Variants in AKAP6 observed in about 807,000 individuals in gnomAD.
AKAP6 encodes the protein A-kinase anchoring protein 6, also known as A-kinase anchor protein 6.
Under a neutral mutation model 188.5 loss-of-function variants are expected in AKAP6, and 58 were observed. The observed-to-expected ratio is 0.31, with a 90% confidence interval of 0.25 to 0.38. The LOEUF is 0.38. AKAP6 is among the 10% of genes least tolerant of loss of function. The pLI is 1.00. For missense variants in AKAP6, 2,710 were observed against 2,740.0 expected (o/e 0.99, Z 0.24); for synonymous variants, 989 against 998.6 (o/e 0.99, Z 0.18).
At chr14:32,756,101 G>A (rs1159378349) in intron 11 of AKAP6, among the ~76,000 whole-genome samples, 1 of 152,186 alleles carries the variant, frequency 6.6e-6, no homozygotes, top group African/African-American at 2.4e-5. Context: ...TTGGCACCTG[G>A]ATTCATAGGG....
chr14:32,569,390 A>G (rs995407610), intron 4 of AKAP6, among the ~76,000 whole-genome samples: 1 of 152,224 alleles, frequency 6.6e-6, no homozygotes, highest in South Asian at 2.1e-4. Flanking sequence ...TCTTTGTTCT[A>G]AAAGCATACA....
In AKAP6 at chr14:32,835,103, A is replaced by G. The variant is rs1036049766; in HGVS notation, c.*5298A>G. ...CACTATACAAAGTTACGTACTTGCA[A>G]CAAAAGCCATATGGCCTGCAAAACC... On this transcript the variant is annotated 3_prime_UTR_variant, in exon 14 of 14. Transcript: ENST00000280979. 6.6e-6 allele frequency: 1 copy of G among 152,240 alleles called. No individual in the cohort carries two copies. The highest frequency in any genetic ancestry group is 2.4e-5 in the African/African-American group (1 of 41,466). 9.4% of individuals were successfully genotyped at this position (152,240 alleles called of 1,614,324 possible).
intron 7 of AKAP6, among the ~76,000 whole-genome samples, chr14:32,667,595 C>G (rs1054711963): frequency 6.6e-6 from 1 of 152,072 alleles, no homozygotes; most frequent in East Asian, 1.9e-4. Context: ...AGCTCAAAGT[C>G]GAGATTCTTG....
intron 1 of AKAP6, among the ~76,000 whole-genome samples, chr14:32,377,785 T>C (rs972627857): frequency 3.3e-5 from 5 of 152,226 alleles, no homozygotes; most frequent in Admixed American, 2.6e-4. Context: ...TAAGAGCCCC[T>C]GAGTAATCAT....
intron 12 of AKAP6, among the ~76,000 whole-genome samples, chr14:32,796,661 A>AC: frequency 6.6e-6 from 1 of 152,180 alleles, no homozygotes. Context: ...TAAATGTAAA[A>AC]CCCAAAACTA....
intron 5 of AKAP6, among the ~76,000 whole-genome samples, chr14:32,595,585 T>C (rs990246850): frequency 6.6e-6 from 1 of 152,134 alleles, no homozygotes; most frequent in Admixed American, 6.5e-5. Context: ...CATAGCTCAC[T>C]GTAACCTTGA....
intron 7 of AKAP6, among the ~76,000 whole-genome samples, chr14:32,654,033 A>C (rs1465197952): frequency 6.6e-6 from 1 of 152,176 alleles, no homozygotes; most frequent in African/African-American, 2.4e-5. Flanking sequence ...ATTTGAAATC[A>C]TTGTACCTTA....
rs1013757151 is a variant in AKAP6, at chr14:32,822,792, A to G, written c.4979A>G (p.Gln1660Arg). Residue 1660 changes from glutamine to arginine, a missense_variant, in exon 13 of 14, where the codon CAA (glutamine) becomes CGA (arginine). Coordinates refer to ENST00000280979, the MANE Select transcript of AKAP6 (RefSeq NM_004274.5). ...CGAAGTGTTTCTGATATCACTCTTC[A>G]AAGCAGTTCCCAAAAGATGTCCTTT... ...IKRSVSDITL[Q>R]SSSQKMSFTG... is the part of the protein sequence containing the mutation. 4 of 1,613,836 alleles carry G rather than the reference A, an allele frequency of 2.5e-6. No homozygotes were observed. The African/African-American group carries it at 4.0e-5, about 16-fold the overall frequency.
chr14:32,573,732 T>A lies in AKAP6; in HGVS notation c.2347-3388T>A, dbSNP rs572920875. ...TCTGTGTTTCAAAATAATTTTTAAATTTTTTTTCCATTTTCGTATGTCATC... is the reference window on the plus strand; with the variant it reads ...TCTGTGTTTCAAAATAATTTTTAAAATTTTTTTCCATTTTCGTATGTCATC... On this transcript the variant is annotated intron_variant, in intron 4 of 13. Transcript: ENST00000280979. Among the ~76,000 whole-genome samples the A allele has an allele frequency of 2.0e-5, 3 of 152,094 alleles. No individual in the cohort carries two copies. The East Asian group carries it at 5.8e-4, about 29-fold the overall frequency.
At chr14:32,778,148 G>A (rs1955516) in intron 12 of AKAP6, among the ~76,000 whole-genome samples, 146,926 of 152,196 alleles carry the variant, frequency 0.97, 71,061 homozygotes, top group East Asian at 1. Flanking sequence ...AAAACCTGAG[G>A]ATATTCATTA....
At chr14:32,589,076 A>G (rs991629616) in intron 5 of AKAP6, among the ~76,000 whole-genome samples, 3 of 152,118 alleles carry the variant, frequency 2.0e-5, no homozygotes, top group Non-Finnish European at 4.4e-5. Context: ...GCATCTCCAT[A>G]GGCAGCCAAG....
At chr14:32,540,675 C>T (rs190184106) in intron 3 of AKAP6, among the ~76,000 whole-genome samples, 9 of 152,154 alleles carry the variant, frequency 5.9e-5, no homozygotes, top group African/African-American at 1.4e-4. Context: ...TATGTATACA[C>T]GTTAGAAAAC....
At chr14:32,517,564 G>A (rs1881587251) in intron 2 of AKAP6, among the ~76,000 whole-genome samples, 1 of 152,228 alleles carries the variant, frequency 6.6e-6, no homozygotes, top group African/African-American at 2.4e-5. Context: ...TTCTGGCTCA[G>A]AGGGTCCTAT....
At chr14:32,423,010 T>C (rs1403063421) in intron 1 of AKAP6, among the ~76,000 whole-genome samples, 1 of 152,176 alleles carries the variant, frequency 6.6e-6, no homozygotes, top group Admixed American at 6.6e-5. Flanking sequence ...AATTTCTGGC[T>C]TCCAAAATAC....
chr14:32,777,662 C>G (rs886839875), intron 12 of AKAP6, among the ~76,000 whole-genome samples: 1 of 152,020 alleles, frequency 6.6e-6, no homozygotes, highest in Non-Finnish European at 1.5e-5. Flanking sequence ...AAAGACAGAG[C>G]AAAATAAAAT....
intron 1 of AKAP6, among the ~76,000 whole-genome samples, chr14:32,351,227 A>G (rs1887256953): frequency 6.6e-6 from 1 of 152,236 alleles, no homozygotes; most frequent in South Asian, 2.1e-4. Flanking sequence ...GAGGTCTAAA[A>G]GAATCATTTA....
intron 2 of AKAP6, among the ~76,000 whole-genome samples, chr14:32,446,024 A>G (rs185205419): frequency 2.6e-5 from 4 of 152,330 alleles, no homozygotes; most frequent in Admixed American, 2.6e-4. Flanking sequence ...GCCTCACCTC[A>G]AAAGTTCTAT....
At chr14:32,694,576 G>A (rs10134827) in intron 8 of AKAP6, among the ~76,000 whole-genome samples, 43,437 of 151,956 alleles carry the variant, frequency 0.29, 8,507 homozygotes, top group East Asian at 0.54. Context: ...AACTATAACC[G>A]TCATTGGCAT....
At chr14:32,679,641 G>A in intron 8 of AKAP6, among the ~76,000 whole-genome samples, 1 of 152,048 alleles carries the variant, frequency 6.6e-6, no homozygotes, top group East Asian at 1.9e-4. Flanking sequence ...CATTGTCTAA[G>A]AATATAGGAA....
Sources: allele counts gnomAD v4.1 joint callset (sites outside exome capture counted in the v4.1 genomes callset), GRCh38; gene constraint gnomAD v4.1.1; transcripts MANE v1.5; gene names NCBI Gene and HGNC (gene_info 2026-07-23, HGNC 2026-07-21).